DGKH: variants seen among roughly 807,000 people sequenced by gnomAD.
The protein encoded by DGKH is diacylglycerol kinase eta, also known as DAG kinase eta.
Under a neutral mutation model 159.3 loss-of-function variants are expected in DGKH, and 90 were observed. That is an observed-to-expected ratio of 0.57 (90% confidence interval 0.48 to 0.67). The LOEUF (loss-of-function observed/expected upper bound fraction) is 0.67. Among genes scored for constraint, DGKH ranks in the 30% least tolerant of loss-of-function variants. The probability of loss-of-function intolerance (pLI) is 0.00; values close to 1 mark genes in which losing one functional copy is unlikely to be tolerated. For synonymous variants in DGKH, 536 were observed against 553.8 expected (o/e 0.97, Z 0.45); for missense variants, 1,181 against 1,506.1 (o/e 0.78, Z 3.57).
intron 30 of DGKH, chr13:42,256,120 C>T: frequency 8.4e-7 from 1 of 1,185,744 alleles, no homozygotes; most frequent in South Asian, 1.2e-5. Context: ...GCAAGGTGAA[C>T]CCTACTCAGT....
chr13:42,077,297 C>T (rs1010643415), intron 1 of DGKH, among the ~76,000 whole-genome samples: 3 of 151,898 alleles, frequency 2.0e-5, no homozygotes. Flanking sequence ...TAGATCTCCA[C>T]TTTATTAATA....
chr13:42,076,005 A>G (rs1186973941), intron 1 of DGKH, among the ~76,000 whole-genome samples: 3 of 152,186 alleles, frequency 2.0e-5, no homozygotes, highest in Non-Finnish European at 2.9e-5. Context: ...CCCACTTTCA[A>G]TGTGATTCTA....
At chr13:42,228,719 G>A (rs75674137) in intron 29 of DGKH, among the ~76,000 whole-genome samples, 1 of 138,470 alleles carries the variant, frequency 7.2e-6, no homozygotes, top group East Asian at 2.3e-4. Context: ...AAGAAAGAAA[G>A]AAAAGAAAGA....
At chr13:42,087,084 C>CACACACACACACACACA (rs398038514) in intron 1 of DGKH, among the ~76,000 whole-genome samples, 3 of 145,424 alleles carry the variant, frequency 2.1e-5, no homozygotes, top group Non-Finnish European at 3.0e-5. Context: ...CACACACACA[C>CACACACACACACACACA]CTCAGAACAG....
chr13:42,086,628 T>A (rs1954307060), intron 1 of DGKH, among the ~76,000 whole-genome samples: 1 of 152,212 alleles, frequency 6.6e-6, no homozygotes, highest in Non-Finnish European at 1.5e-5. Flanking sequence ...AAATAATTTG[T>A]CTTTGGCAAG....
intron 11 of DGKH, among the ~76,000 whole-genome samples, chr13:42,172,543 C>T (rs1249725205): frequency 6.6e-6 from 1 of 152,162 alleles, no homozygotes; most frequent in Non-Finnish European, 1.5e-5. Flanking sequence ...ACACTAGGTT[C>T]TGTTTAAATA....
At chr13:42,062,158 G>A (rs1404532502) in intron 1 of DGKH, among the ~76,000 whole-genome samples, 2 of 152,176 alleles carry the variant, frequency 1.3e-5, no homozygotes, top group Non-Finnish European at 2.9e-5. Context: ...TATTCCAGTT[G>A]TGTTTTCTGT....
chr13:42,170,942 C>CAA (rs5803114), intron 11 of DGKH, among the ~76,000 whole-genome samples: 8,302 of 135,966 alleles, frequency 0.061, 345 homozygotes, highest in South Asian at 0.15. Context: ...GACTCTGTCT[C>CAA]AAAAAAAAAA....
chr13:42,047,971 G>C (rs1404616417), upstream of DGKH, among the ~76,000 whole-genome samples: 2 of 151,848 alleles, frequency 1.3e-5, no homozygotes, highest in Non-Finnish European at 2.9e-5. Context: ...AGTTCTCAGA[G>C]CGGAGCTGAA....
intron 5 of DGKH, 90 bp from the exon 6 acceptor site, chr13:42,159,176 A>T: frequency 2.8e-6 from 2 of 711,590 alleles, no homozygotes; most frequent in Non-Finnish European, 4.5e-6. Flanking sequence ...CTTCCCTTTT[A>T]AAATTTTATG....
chr13:42,227,478 A>T (rs1347119071), intron 29 of DGKH, among the ~76,000 whole-genome samples: 1 of 152,178 alleles, frequency 6.6e-6, no homozygotes, highest in East Asian at 1.9e-4. Flanking sequence ...CAAAGTGTAA[A>T]GATATTTAAA....
At chr13:42,170,285 C>T (rs979481203) in intron 11 of DGKH, among the ~76,000 whole-genome samples, 3 of 152,290 alleles carry the variant, frequency 2.0e-5, no homozygotes, top group South Asian at 2.1e-4. Context: ...AGGTGGCTCA[C>T]GCCTATAATC....
At chr13:42,089,817 G>A (rs894358950) in intron 1 of DGKH, among the ~76,000 whole-genome samples, 1 of 152,258 alleles carries the variant, frequency 6.6e-6, no homozygotes, top group East Asian at 1.9e-4. Flanking sequence ...AGTAAAGTAT[G>A]CCCAGGTTCT....
chr13:42,093,307 T>G (rs1954458224), intron 1 of DGKH, among the ~76,000 whole-genome samples: 1 of 150,668 alleles, frequency 6.6e-6, no homozygotes, highest in South Asian at 2.1e-4. Context: ...AAAACTACGA[T>G]GAGATACCAC....
In DGKH at chr13:42,155,673, C is replaced by A. The variant is rs772129158; in HGVS notation, c.496C>A (p.Gln166Lys). 6.2e-7 allele frequency: 1 copy of A among 1,614,140 alleles called. No homozygotes were observed. The highest frequency in any genetic ancestry group is 8.5e-7 in the Non-Finnish European group (1 of 1,180,030). The change falls in exon 5 of 30, where the codon CAG (glutamine) becomes AAG (lysine). Residue 166 changes from glutamine to lysine, a missense_variant. Around this residue, in one of 5 missense-constraint regions of DGKH, gnomAD observed 369 missense variants for 519.4 expected, o/e 0.71. Coordinates refer to ENST00000337343, the MANE Select transcript of DGKH (RefSeq NM_178009.5). ...VQTREPYEVA[Q>K]FNVEHFSGMH... The stretch of plus-strand genomic sequence containing the variant: ...CCTCACATCTCATTTCTAGGTGGCC[C>A]AGTTTAATGTGGAACATTTCTCAGG...
At chr13:42,225,294 C>G in intron 29 of DGKH, 1 of 1,585,098 alleles carries the variant, frequency 6.3e-7, no homozygotes, top group African/African-American at 1.3e-5. Flanking sequence ...TGCTAGAACA[C>G]AGTAGGAGAA....
Position 42,181,749 on chromosome 13 carries a change from A to C in DGKH, c.1538+3529A>C, listed in dbSNP as rs543301114. 26 of 769,248 alleles carry C rather than the reference A, an allele frequency of 3.4e-5. No homozygotes were observed. In the African/African-American group the frequency reaches 4.5e-4, roughly 13 times the overall value. 47.7% of individuals were successfully genotyped at this position (769,248 alleles called of 1,614,324 possible). On this transcript the variant is annotated intron_variant, in intron 13 of 29. Transcript: ENST00000337343. ...AGCCACGCCAGCTGCAGTGGTTGCC[A>C]TCTGGACCATCAGACCTGGCTGCCA...
rs1446639670 is a variant in DGKH, at chr13:42,172,447, G to T, written c.1368-1613G>T. ...GTAGCTAAAAGTAACTAGTTTACAT[G>T]TCCCAAAATATAATGTATGTCTATT... On this transcript the variant is annotated intron_variant, in intron 11 of 29. Coordinates refer to ENST00000337343, the MANE Select transcript of DGKH (RefSeq NM_178009.5). 2.0e-5 allele frequency among the ~76,000 whole-genome samples: 3 copies of T among 152,158 alleles called. No individual in the cohort carries two copies. In the East Asian group the frequency reaches 5.8e-4, roughly 29 times the overall value.
rs1394101687 is a variant in DGKH at position 42,241,977 on chromosome 13, T to C, written c.*12789T>C. ...ACTTGTATGTGTATTCACAGTTTGA[T>C]AGGCATATTTTGAAGTCATTGTTTT... On this transcript the variant is annotated 3_prime_UTR_variant, in exon 30 of 30. Coordinates refer to ENST00000337343, the MANE Select transcript of DGKH (RefSeq NM_178009.5). 2.0e-5 allele frequency: 3 copies of C among 152,234 alleles called. No homozygotes were observed. Among genetic ancestry groups the C allele is most frequent in the Admixed American group, 1.3e-4 (2 of 15,286 alleles). The allele number at this position is 152,234 out of a possible 1,614,324, so 9.4% of individuals were successfully genotyped here. A position where few individuals can be genotyped will look rare whatever the true frequency, so the allele number is the denominator to read the frequency against.
Sources: allele counts gnomAD v4.1 joint callset (sites outside exome capture counted in the v4.1 genomes callset), GRCh38; gene constraint gnomAD v4.1.1; regional missense constraint gnomAD v4.1.1; transcripts MANE v1.5; gene names NCBI Gene and HGNC (gene_info 2026-07-23, HGNC 2026-07-21).